CSMD1: variants seen among roughly 807,000 people sequenced by gnomAD.
The protein encoded by CSMD1 is CUB and Sushi multiple domains 1.
A neutral mutation model predicts 417.5 loss-of-function variants in CSMD1; 213 were observed. That is an observed-to-expected ratio of 0.51 (90% CI 0.46 to 0.57). CSMD1 has a LOEUF of 0.57. CSMD1 is among the 20% of genes least tolerant of loss of function. The pLI is 0.00. For synonymous variants in CSMD1, 2,862 were observed against 1,736.8 expected (o/e 1.65, Z -16.11); for missense variants, 6,923 against 4,529.7 (o/e 1.53, Z -15.17).
chr8:4,734,302 C>A (rs763947063), intron 1 of CSMD1, among the ~76,000 whole-genome samples: 1 of 151,930 alleles, frequency 6.6e-6, no homozygotes, highest in African/African-American at 2.4e-5. Context: ...ACTAAAAAAG[C>A]AAATTATTGT....
At chr8:2,965,501 C>G (rs1803875812) in intron 59 of CSMD1, among the ~76,000 whole-genome samples, 2 of 152,150 alleles carry the variant, frequency 1.3e-5, no homozygotes, top group African/African-American at 4.8e-5. Flanking sequence ...GACACAGACT[C>G]TAGGGTGGCG....
intron 1 of CSMD1, among the ~76,000 whole-genome samples, chr8:4,770,805 AC>A (rs535087616): frequency 5.3e-5 from 8 of 152,156 alleles, no homozygotes; most frequent in Admixed American, 2.6e-4. Context: ...ATAAAAATCA[AC>A]TCAAAATGAA....
intron 12 of CSMD1, among the ~76,000 whole-genome samples, chr8:3,414,239 A>AAAAAAAAC: frequency 7.4e-6 from 1 of 135,632 alleles, no homozygotes; most frequent in Non-Finnish European, 1.6e-5. Flanking sequence ...AAAAAAAAAA[A>AAAAAAAAC]TGCTGTACAA....
chr8:3,096,953 T>C lies in CSMD1; in HGVS notation c.7034A>G (p.Gln2345Arg), dbSNP rs1472368672. ...PGYPGNYFNS[Q>R]TCSWSIKVEP... The stretch of plus-strand genomic sequence containing the variant: ...CACTTTAATACTCCAAGAGCAAGTC[T>C]GGGAGTTAAAATAATTACCCGGATA... The change falls in exon 47 of 70, where the codon CAG becomes CGG. Residue 2345 changes from glutamine to arginine, a missense_variant. Coordinates refer to ENST00000635120, the MANE Select transcript of CSMD1 (RefSeq NM_033225.6). 1.3e-6 allele frequency: 2 copies of C among 1,555,546 alleles called. No individual in the cohort carries two copies. The highest frequency in any genetic ancestry group is 8.7e-7 in the Non-Finnish European group (1 of 1,148,560).
At chr8:4,616,320 G>A (rs1801473856) in intron 2 of CSMD1, among the ~76,000 whole-genome samples, 1 of 152,136 alleles carries the variant, frequency 6.6e-6, no homozygotes, top group African/African-American at 2.4e-5. Flanking sequence ...GAAAATAATA[G>A]GGAAGATGCC....
At chr8:2,995,273 T>C (rs1377570162) in intron 54 of CSMD1, among the ~76,000 whole-genome samples, 1 of 152,204 alleles carries the variant, frequency 6.6e-6, no homozygotes, top group Non-Finnish European at 1.5e-5. Context: ...AGAGTACAGA[T>C]GGGAATAATC....
chr8:3,511,614 T>C (rs1373764558), intron 10 of CSMD1, among the ~76,000 whole-genome samples: 1 of 151,256 alleles, frequency 6.6e-6, no homozygotes, highest in African/African-American at 2.5e-5. Flanking sequence ...AAAGATTAGC[T>C]GGGCATGGTA....
chr8:3,826,314 T>C (rs1438701289), intron 5 of CSMD1, among the ~76,000 whole-genome samples: 1 of 152,070 alleles, frequency 6.6e-6, no homozygotes, highest in Non-Finnish European at 1.5e-5. Flanking sequence ...TTGTCTTAAC[T>C]GGGGGCTTGA....
chr8:4,052,255 T>C (rs1482147222), intron 3 of CSMD1, among the ~76,000 whole-genome samples: 2 of 151,964 alleles, frequency 1.3e-5, no homozygotes, highest in African/African-American at 4.8e-5. Context: ...AGGGTGGGAG[T>C]CCAGACAGGG....
At chr8:4,129,074 CAA>C (rs10538387) in intron 3 of CSMD1, among the ~76,000 whole-genome samples, 3,185 of 80,796 alleles carry the variant, frequency 0.039, 116 homozygotes, top group African/African-American at 0.13. Context: ...GAGTCCAACT[CAA>C]AAAAAAAAAA....
chr8:4,586,091 C>T (rs897248317), intron 2 of CSMD1, among the ~76,000 whole-genome samples: 2 of 152,122 alleles, frequency 1.3e-5, no homozygotes, highest in African/African-American at 4.8e-5. Context: ...AAGCATACAA[C>T]GTGTAATGAT....
chr8:4,870,187 G>GA (rs1236081313), intron 1 of CSMD1, among the ~76,000 whole-genome samples: 27 of 151,980 alleles, frequency 1.8e-4, no homozygotes, highest in Non-Finnish European at 7.4e-5. Context: ...AGTAAATAAT[G>GA]AAAAAATAAC....
At chr8:3,878,565 A>G (rs1303672730) in intron 5 of CSMD1, among the ~76,000 whole-genome samples, 1 of 152,192 alleles carries the variant, frequency 6.6e-6, no homozygotes, top group Non-Finnish European at 1.5e-5. Flanking sequence ...AAGTATAGAA[A>G]AAATTGCGTG....
intron 3 of CSMD1, among the ~76,000 whole-genome samples, chr8:4,043,101 C>A (rs1797976843): frequency 1.3e-5 from 2 of 151,976 alleles, no homozygotes; most frequent in South Asian, 2.1e-4. Context: ...CACTGCACTT[C>A]CAGCCTGGGT....
At chr8:4,072,289 A>G (rs1799600302) in intron 3 of CSMD1, among the ~76,000 whole-genome samples, 2 of 152,168 alleles carry the variant, frequency 1.3e-5, no homozygotes, top group East Asian at 3.9e-4. Context: ...GCACTTTTAC[A>G]AAAAAATACC....
rs549286158 is a variant in CSMD1 at position 3,834,941 on chromosome 8, T to G, written c.819-80899A>C. Among the ~76,000 whole-genome samples the G allele has an allele frequency of 2.6e-5, 4 of 152,092 alleles. No individual in the cohort carries two copies. In the South Asian group the frequency reaches 8.3e-4, roughly 32 times the overall value. Reference sequence around the variant, plus strand: ...CAGACACTTCTCAAAAGAAGACATTTAGGCAGTCAAAAAACACATGAAAAA... The same window carrying G: ...CAGACACTTCTCAAAAGAAGACATTGAGGCAGTCAAAAAACACATGAAAAA... On this transcript the variant is annotated intron_variant, in intron 5 of 69. Transcript: ENST00000635120.
intron 41 of CSMD1, among the ~76,000 whole-genome samples, 174 bp downstream of exon 41, chr8:3,142,291 C>T (rs937054978): frequency 6.6e-6 from 1 of 152,150 alleles, no homozygotes; most frequent in African/African-American, 2.4e-5. Context: ...GTGTCCTTAC[C>T]TCTGTTTTCA....
chr8:4,463,817 G>C (rs906059281), intron 2 of CSMD1, among the ~76,000 whole-genome samples: 1 of 152,108 alleles, frequency 6.6e-6, no homozygotes, highest in Admixed American at 6.5e-5. Context: ...AAAAATAACT[G>C]TGGTGATGAA....
chr8:3,388,494 A>T (rs1563336830), intron 17 of CSMD1, among the ~76,000 whole-genome samples: 1 of 152,266 alleles, frequency 6.6e-6, no homozygotes, highest in Non-Finnish European at 1.5e-5. Context: ...AGTAAACATC[A>T]GAACATTAGA....
Sources: allele counts gnomAD v4.1 joint callset (sites outside exome capture counted in the v4.1 genomes callset), GRCh38; gene constraint gnomAD v4.1.1; transcripts MANE v1.5; gene names NCBI Gene and HGNC (gene_info 2026-07-23, HGNC 2026-07-21).